Variants in NDUFAF5 observed in about 807,000 individuals in gnomAD.
The protein encoded by NDUFAF5 is NADH:ubiquinone oxidoreductase complex assembly factor 5.
In NDUFAF5, 34 loss-of-function variants were observed where a neutral mutation model predicts 48.9. The observed-to-expected ratio is 0.70, with a 90% CI of 0.53 to 0.93. The LOEUF is 0.93. Among genes scored for constraint, NDUFAF5 ranks in the 40% least tolerant of loss-of-function variants. The probability of loss-of-function intolerance (pLI) is 0.00; values close to 1 mark genes in which losing one functional copy is unlikely to be tolerated. For missense variants in NDUFAF5, 428 were observed against 427.5 expected, an observed-to-expected ratio of 1.00 and a Z score of -0.01; for synonymous variants, 153 against 150.6, an observed-to-expected ratio of 1.02 and a Z score of -0.12.
chr20:13,800,113 C>CCA (rs1277188790), intron 6 of NDUFAF5, among the ~76,000 whole-genome samples: 2 of 152,022 alleles, frequency 1.3e-5, no homozygotes, highest in African/African-American at 4.8e-5. Context: ...TTGAAGATGA[C>CCA]TTTGGACTTC....
chr20:13,787,706 C>T (rs1342359235), intron 2 of NDUFAF5, among the ~76,000 whole-genome samples: 3 of 152,236 alleles, frequency 2.0e-5, no homozygotes, highest in South Asian at 4.2e-4. Flanking sequence ...TGCCATATTG[C>T]CTGTGTTCAT....
chr20:13,789,935 A>G lies in NDUFAF5; in HGVS notation c.327+1283A>G, dbSNP rs148929666. Among the ~76,000 whole-genome samples the G allele has an allele frequency of 2.8e-3, 428 of 152,318 alleles. 1 individual carries two copies. Among genetic ancestry groups the G allele is most frequent in the Non-Finnish European group, 4.3e-3 (293 of 68,034 alleles). On this transcript the variant is annotated intron_variant, in intron 3 of 10. Transcript: ENST00000378106. Reference sequence around the variant, plus strand: ...TAAAGTGCAACAGGAATTAGGGGAAAAGAAAAAATCAGTAGGAGTTCATGT... The same window carrying G: ...TAAAGTGCAACAGGAATTAGGGGAAGAGAAAAAATCAGTAGGAGTTCATGT...
At chr20:13,804,109 TGAAAG>T (rs980562989) in intron 7 of NDUFAF5, among the ~76,000 whole-genome samples, 2 of 152,148 alleles carry the variant, frequency 1.3e-5, no homozygotes, top group African/African-American at 4.8e-5. Flanking sequence ...CAAAAATAAT[TGAAAG>T]GGAAGAATGA....
chr20:13,793,355 A>G (rs1032660944), intron 4 of NDUFAF5, 128 bp downstream of exon 4: 4 of 869,814 alleles, frequency 4.6e-6, no homozygotes, highest in Admixed American at 4.4e-5. Context: ...CATACAGGAA[A>G]TATCAAGAAC....
At chr20:13,793,648 G>A (rs1035340777) in intron 4 of NDUFAF5, among the ~76,000 whole-genome samples, 4 of 152,084 alleles carry the variant, frequency 2.6e-5, no homozygotes, top group African/African-American at 7.2e-5. Flanking sequence ...CTATTGAAGG[G>A]CAGTTACGTT....
chr20:13,788,056 G>C (rs1981511855), intron 2 of NDUFAF5, among the ~76,000 whole-genome samples: 1 of 152,114 alleles, frequency 6.6e-6, no homozygotes, highest in Non-Finnish European at 1.5e-5. Flanking sequence ...GAGGCACTTG[G>C]TTTGACTTAC....
chr20:13,801,797 CT>C (rs780482104), intron 7 of NDUFAF5, 114 bp downstream of exon 7: 165 of 773,440 alleles, frequency 2.1e-4, no homozygotes, highest in Middle Eastern at 1.7e-3. Flanking sequence ...CTTTCTCTCC[CT>C]TTTTTTTTCT....
In NDUFAF5 at chr20:13,808,403, C is replaced by T. The variant is rs1415509307; in HGVS notation, c.718-439C>T. ...ATTTCCTAAACAAGCCTATTGGCTG[C>T]ATTACTAGATATAGAATGAAATATT... is the stretch of plus-strand genomic sequence containing the variant. On this transcript the variant is annotated intron_variant, in intron 7 of 10. Transcript: ENST00000378106. 2.0e-5 allele frequency among the ~76,000 whole-genome samples: 3 copies of T among 152,182 alleles called. No individual in the cohort carries two copies. In the South Asian group the frequency reaches 6.2e-4, roughly 32 times the overall value.
chr20:13,818,977 G>A lies in NDUFAF5; in HGVS notation c.*1767G>A, dbSNP rs1986793761. 1 of 152,300 alleles carries A rather than the reference G, an allele frequency of 6.6e-6. No individual in the cohort carries two copies. Among genetic ancestry groups the A allele is most frequent in the African/African-American group, 2.4e-5 (1 of 41,560 alleles). 9.4% of individuals were successfully genotyped at this position (152,300 alleles called of 1,614,324 possible). A position where few individuals can be genotyped will look rare whatever the true frequency, so the allele number is the denominator to read the frequency against. On this transcript the variant is annotated 3_prime_UTR_variant, in exon 11 of 11. Transcript: ENST00000378106. ...ATGTCAACGGAATTATATGTGGATG[G>A]TGGGGTGGAGCTAAGGATTACTCTA...
At chr20:13,799,709 A>AG (rs1983831046) in intron 6 of NDUFAF5, among the ~76,000 whole-genome samples, 3 of 148,518 alleles carry the variant, frequency 2.0e-5, no homozygotes, top group Non-Finnish European at 1.5e-5. Context: ...AAAAAAAAAA[A>AG]AAAGAAAGAA....
intron 4 of NDUFAF5, among the ~76,000 whole-genome samples, chr20:13,793,891 C>T (rs1042852683): frequency 2.6e-5 from 4 of 152,324 alleles, no homozygotes; most frequent in Middle Eastern, 3.4e-3. Context: ...CCAGCCTTTT[C>T]GTCTGGGTCA....
intron 6 of NDUFAF5, 49 bp downstream of exon 6, chr20:13,798,549 G>A (rs1240017518): frequency 1.5e-6 from 2 of 1,357,932 alleles, no homozygotes; most frequent in Non-Finnish European, 2.1e-6. Context: ...TTTCTTTATT[G>A]TTAGAAATCT....
intron 6 of NDUFAF5, among the ~76,000 whole-genome samples, chr20:13,799,288 G>A (rs1376694927): frequency 1.3e-5 from 2 of 152,078 alleles, no homozygotes; most frequent in African/African-American, 4.8e-5. Flanking sequence ...AAAGCTGGTG[G>A]GCAAAATAAT....
chr20:13,793,800 GACAT>G (rs1440167367), intron 4 of NDUFAF5, among the ~76,000 whole-genome samples: 1 of 152,078 alleles, frequency 6.6e-6, no homozygotes, highest in Non-Finnish European at 1.5e-5. Context: ...AAAATTTTTT[GACAT>G]ACATCTTCAG....
At chr20:13,801,734 T>G in intron 7 of NDUFAF5, 51 bp downstream of exon 7, 1 of 1,464,912 alleles carries the variant, frequency 6.8e-7, no homozygotes. Flanking sequence ...AAAAAAGAAC[T>G]TCTTATCATT....
intron 5 of NDUFAF5, among the ~76,000 whole-genome samples, chr20:13,798,222 C>A (rs1983543513): frequency 6.6e-6 from 1 of 152,158 alleles, no homozygotes; most frequent in Non-Finnish European, 1.5e-5. Context: ...ATATCAGATT[C>A]TTTCAGTTAC....
At position 13,785,164 on chromosome 20, in the gene NDUFAF5, T is replaced by C. The variant is rs1349952444; in HGVS notation, c.96T>C (p.Gly32=). 1.2e-6 allele frequency: 2 copies of C among 1,613,808 alleles called. No individual in the cohort carries two copies. Among genetic ancestry groups the C allele is most frequent in the Non-Finnish European group, 1.7e-6 (2 of 1,179,972 alleles). ...ENLGRREVTS[G]VSPRGSTSPR... ...TTGGCCGTAGGGAAGTCACCTCTGG[T>C]GTCTCTCCCCGCGGTAGCACCTCGC... The change falls in exon 1 of 11, where the codon GGT becomes GGC. Residue 32 remains glycine (G), a synonymous_variant. Coordinates refer to ENST00000378106, the MANE Select transcript of NDUFAF5 (RefSeq NM_024120.5).
At position 13,801,772 on chromosome 20, in the gene NDUFAF5, T is replaced by C. The variant is rs915205232; in HGVS notation, c.717+89T>C. 10 of 1,092,316 alleles carry C rather than the reference T, an allele frequency of 9.2e-6. No homozygotes were observed. The African/African-American group carries it at 1.5e-4, about 17-fold the overall frequency. The allele number at this position is 1,092,316 out of a possible 1,614,324, so 67.7% of individuals were successfully genotyped here. On this transcript the variant is annotated intron_variant, in intron 7 of 10. Transcript: ENST00000378106. ...AAAGATAGAAAACTGTATGTGTTCATGGTTTCATGGCACTCTTTCTCTCCC... is the reference window on the plus strand; with the variant it reads ...AAAGATAGAAAACTGTATGTGTTCACGGTTTCATGGCACTCTTTCTCTCCC...
At chr20:13,805,643 T>G (rs1238612834) in intron 7 of NDUFAF5, among the ~76,000 whole-genome samples, 1 of 152,136 alleles carries the variant, frequency 6.6e-6, no homozygotes, top group African/African-American at 2.4e-5. Context: ...GGTGCTGTAT[T>G]AATATTGCGT....
Sources: gnomAD v4.1 joint callset for allele counts (sites outside exome capture counted in the v4.1 genomes callset) on GRCh38, gnomAD v4.1.1 for gene constraint, MANE v1.5 for transcripts, NCBI Gene and HGNC (gene_info 2026-07-23, HGNC 2026-07-21) for gene names.